ZBTB26: variants seen among roughly 807,000 people sequenced by gnomAD.
ZBTB26 encodes zinc finger and BTB domain containing 26, also known as zinc finger and BTB domain-containing protein 26.
ZBTB26 carries 12 observed loss-of-function variants against 31.6 expected under a neutral mutation model. That is an observed-to-expected ratio of 0.38 (90% CI 0.24 to 0.61). ZBTB26 has a LOEUF of 0.61. Among genes scored for constraint, ZBTB26 ranks in the 20% least tolerant of loss-of-function variants. The pLI is 0.60. For synonymous variants in ZBTB26, 155 were observed against 182.9 expected (o/e 0.85, Z 1.23); for missense variants, 311 against 521.9 (o/e 0.60, Z 3.94).
chr9:122,930,014 T>TC (rs1004514675), intron 1 of ZBTB26, among the ~76,000 whole-genome samples: 117 of 151,274 alleles, frequency 7.7e-4, no homozygotes, highest in African/African-American at 2.0e-3. Context: ...AGCATTACCC[T>TC]CCCCCCCCAA....
At chr9:122,926,754 C>G (rs941280803) in intron 1 of ZBTB26, among the ~76,000 whole-genome samples, 1 of 152,118 alleles carries the variant, frequency 6.6e-6, no homozygotes, top group Non-Finnish European at 1.5e-5. Context: ...GCATATTATG[C>G]CTTTATCCTT....
chr9:122,930,877 C>G (rs1833267307), intron 1 of ZBTB26, among the ~76,000 whole-genome samples: 1 of 152,188 alleles, frequency 6.6e-6, no homozygotes. Flanking sequence ...GTGACTGATA[C>G]ATACATACAT....
chr9:122,919,985 T>C lies in ZBTB26; in HGVS notation c.-10-41A>G. 6.6e-7 allele frequency: 1 copy of C among 1,521,126 alleles called. No individual in the cohort carries two copies. The highest frequency in any genetic ancestry group is 8.8e-7 in the Non-Finnish European group (1 of 1,140,928). The allele number at this position is 1,521,126 out of a possible 1,614,324, so 94.2% of individuals were successfully genotyped here. ...GTAAAAAGGTTGAATTTAAGGAAAC[T>C]CAGACAATTAAGAAAGCTGGATCTA... On this transcript the variant is annotated intron_variant, in intron 1 of 1. Coordinates refer to ENST00000373656, the MANE Select transcript of ZBTB26 (RefSeq NM_020924.4). The surrounding 1 kb of genome is among the most constrained non-coding windows in gnomAD (Gnocchi z 6.1).
chr9:122,918,423 G>A lies in ZBTB26; in HGVS notation c.*186C>T. 1 of 740,892 alleles carries A rather than the reference G, an allele frequency of 1.3e-6. No homozygotes were observed. The highest frequency in any genetic ancestry group is 2.1e-6 in the Non-Finnish European group (1 of 478,510). The allele number at this position is 740,892 out of a possible 1,614,324, so 45.9% of individuals were successfully genotyped here. A position where few individuals can be genotyped will look rare whatever the true frequency, so the allele number is the denominator to read the frequency against. On this transcript the variant is annotated 3_prime_UTR_variant, in exon 2 of 2. Transcript: ENST00000373656. ...GATAAATAACTCAAAACAGAAAATGGGAGAGGGCAAAAGTAAGGCAAATCC... is the reference window on the plus strand; with the variant it reads ...GATAAATAACTCAAAACAGAAAATGAGAGAGGGCAAAAGTAAGGCAAATCC...
At chr9:122,921,943 C>A (rs570966425) in intron 1 of ZBTB26, among the ~76,000 whole-genome samples, 14 of 146,126 alleles carry the variant, frequency 9.6e-5, no homozygotes, top group South Asian at 6.6e-4. Flanking sequence ...AAAACAAAAA[C>A]CAAAACAAAA....
At position 122,915,686 on chromosome 9, in the gene ZBTB26, G is replaced by C. The variant is rs981663002; in HGVS notation, c.*2923C>G. 1 of 152,124 alleles carries C rather than the reference G, an allele frequency of 6.6e-6. No homozygotes were observed. Among genetic ancestry groups the C allele is most frequent in the Non-Finnish European group, 1.5e-5 (1 of 68,034 alleles). The allele number at this position is 152,124 out of a possible 1,614,324, so 9.4% of individuals were successfully genotyped here. On this transcript the variant is annotated 3_prime_UTR_variant, in exon 2 of 2. Transcript: ENST00000373656. ...TCATGAGCTGAAATAAAATCTTCTG[G>C]GTTGTTTAGGACAGTATTTTAGAAG...
chr9:122,928,302 AT>A (rs1325667814), intron 1 of ZBTB26, among the ~76,000 whole-genome samples: 1 of 149,274 alleles, frequency 6.7e-6, no homozygotes, highest in African/African-American at 2.5e-5. Context: ...TCTTCTTTTG[AT>A]TTTTTTTCAT....
At position 122,916,127 on chromosome 9, in the gene ZBTB26, A is replaced by G. The variant is rs999132753; in HGVS notation, c.*2482T>C. ...CAGAAACAGAACACCTCTCCAGCCA[A>G]AAATGGAGGAGACTGTAAATCACTT... On this transcript the variant is annotated 3_prime_UTR_variant, in exon 2 of 2. Transcript: ENST00000373656. The G allele has an allele frequency of 2.0e-5, 3 of 152,250 alleles. No individual in the cohort carries two copies. The highest frequency in any genetic ancestry group is 7.2e-5 in the African/African-American group (3 of 41,478). The allele number at this position is 152,250 out of a possible 1,614,324, so 9.4% of individuals were successfully genotyped here. A position where few individuals can be genotyped will look rare whatever the true frequency, so the allele number is the denominator to read the frequency against.
intron 1 of ZBTB26, among the ~76,000 whole-genome samples, chr9:122,928,840 T>A (rs2596700): frequency 0.75 from 113,429 of 152,152 alleles, 44,280 homozygotes; most frequent in Middle Eastern, 0.88. Flanking sequence ...CCAAAAAAAT[T>A]TCTTATGGAG....
chr9:122,919,123 C>A lies in ZBTB26; in HGVS notation c.812G>T (p.Trp271Leu), dbSNP rs766412458. ...NIRGVDKGLQ[W>L]HHQCPKCTRV... ...GGTACACTTTGGGCACTGGTGATGC[C>A]ACTGTAGGCCTTTGTCTACACCTCG... is the stretch of plus-strand genomic sequence containing the variant. The change falls in exon 2 of 2, where the codon TGG (tryptophan) becomes TTG (leucine). Residue 271 changes from tryptophan (W) to leucine (L), a missense_variant. Coordinates refer to ENST00000373656, the MANE Select transcript of ZBTB26 (RefSeq NM_020924.4). This position sits in a 1 kb window ranked among gnomAD's most constrained non-coding sequence, Gnocchi z 6.1. The A allele has an allele frequency of 6.2e-7, 1 of 1,614,126 alleles. No homozygotes were observed. Among genetic ancestry groups the A allele is most frequent in the South Asian group, 1.1e-5 (1 of 91,070 alleles).
rs989844111 is a variant in ZBTB26 at position 122,931,503 on chromosome 9, G to A, written c.-77C>T. ...GAGCTCCGGCCCCTCGGGGCTCCGGGAAGGGGGAGGGGCAAGGAACCCGAG... is the reference window on the plus strand; with the variant it reads ...GAGCTCCGGCCCCTCGGGGCTCCGGAAAGGGGGAGGGGCAAGGAACCCGAG... On this transcript the variant is annotated 5_prime_UTR_variant, in exon 1 of 2. Transcript: ENST00000373656. 3.3e-5 allele frequency: 5 copies of A among 152,708 alleles called. No homozygotes were observed. The highest frequency in any genetic ancestry group is 9.6e-5 in the African/African-American group (4 of 41,472). The allele number at this position is 152,708 out of a possible 1,614,324, so 9.5% of individuals were successfully genotyped here.
intron 1 of ZBTB26, among the ~76,000 whole-genome samples, chr9:122,923,943 C>CAATA (rs1158214441): frequency 2.7e-4 from 41 of 152,290 alleles, no homozygotes; most frequent in African/African-American, 9.4e-4. Flanking sequence ...TTACAATTGC[C>CAATA]TACAGTATTC....
chr9:122,926,463 T>G (rs1047464490), intron 1 of ZBTB26, among the ~76,000 whole-genome samples: 7 of 147,438 alleles, frequency 4.7e-5, no homozygotes, highest in African/African-American at 1.8e-4. Flanking sequence ...GCTGAGATTG[T>G]GCCACTGCAC....
At position 122,916,790 on chromosome 9, in the gene ZBTB26, C is replaced by G. The variant is rs775072929; in HGVS notation, c.*1819G>C. 1.3e-5 allele frequency: 2 copies of G among 152,178 alleles called. No individual in the cohort carries two copies. The highest frequency in any genetic ancestry group is 2.9e-5 in the Non-Finnish European group (2 of 68,030). The allele number at this position is 152,178 out of a possible 1,614,324, so 9.4% of individuals were successfully genotyped here. ...AAAAGACAAAAATCATACTTCACAT[C>G]TGACTCACATGATGATAATTTACAT... On this transcript the variant is annotated 3_prime_UTR_variant, in exon 2 of 2. Coordinates refer to ENST00000373656, the MANE Select transcript of ZBTB26 (RefSeq NM_020924.4).
intron 1 of ZBTB26, among the ~76,000 whole-genome samples, chr9:122,926,875 A>T (rs997881593): frequency 1.3e-5 from 2 of 152,200 alleles, no homozygotes; most frequent in Non-Finnish European, 2.9e-5. Context: ...AATAAAAATT[A>T]TGAATATATT....
intron 1 of ZBTB26, among the ~76,000 whole-genome samples, chr9:122,924,310 C>T (rs1162151184): frequency 6.6e-6 from 1 of 152,210 alleles, no homozygotes; most frequent in African/African-American, 2.4e-5. Context: ...TCTATTGTCT[C>T]TCTCTGATAA....
In ZBTB26 at chr9:122,918,603, C is replaced by T. The variant is rs779814178; in HGVS notation, c.*6G>A. The T allele has an allele frequency of 1.2e-6, 2 of 1,607,124 alleles. No individual in the cohort carries two copies. Among genetic ancestry groups the T allele is most frequent in the Non-Finnish European group, 1.7e-6 (2 of 1,176,694 alleles). On this transcript the variant is annotated 3_prime_UTR_variant, in exon 2 of 2. Coordinates refer to ENST00000373656, the MANE Select transcript of ZBTB26 (RefSeq NM_020924.4). ...TCAGTTCGAGTTGTGAGCATGAAGC[C>T]CCTACTCAATTCACACAAGTACTAT...
chr9:122,928,038 T>C (rs1833210248), intron 1 of ZBTB26, among the ~76,000 whole-genome samples: 1 of 152,124 alleles, frequency 6.6e-6, no homozygotes, highest in Non-Finnish European at 1.5e-5. Context: ...TTTCACCATG[T>C]TGGCCAGGCT....
At chr9:122,922,735 G>A (rs1040895292) in intron 1 of ZBTB26, among the ~76,000 whole-genome samples, 1 of 152,182 alleles carries the variant, frequency 6.6e-6, no homozygotes, top group African/African-American at 2.4e-5. Context: ...CAGGTCTGAG[G>A]CCATGATGGC....
Sources: allele counts gnomAD v4.1 joint callset (sites outside exome capture counted in the v4.1 genomes callset), GRCh38; gene constraint gnomAD v4.1.1; non-coding constraint Gnocchi (gnomAD v3.1); transcripts MANE v1.5; gene names NCBI Gene and HGNC (gene_info 2026-07-23, HGNC 2026-07-21).